Variants in SORBS3 observed in about 807,000 individuals in gnomAD.
SORBS3 encodes vinexin.
In SORBS3, 69 loss-of-function variants were observed where a neutral mutation model predicts 98.0. That is an observed-to-expected ratio of 0.70 (90% CI 0.58 to 0.86). The LOEUF (loss-of-function observed/expected upper bound fraction) is 0.86, where lower values mean the gene tolerates loss of function less well. SORBS3 is among the 40% of genes least tolerant of loss of function. The pLI is 0.00. For synonymous variants in SORBS3, 394 were observed against 355.4 expected, an observed-to-expected ratio of 1.11 and a Z score of -1.22; for missense variants, 954 against 908.5, an observed-to-expected ratio of 1.05 and a Z score of -0.64.
At chr8:22,552,263 A>C (rs1840096686) in intron 1 of SORBS3, among the ~76,000 whole-genome samples, 1 of 152,128 alleles carries the variant, frequency 6.6e-6, no homozygotes, top group African/African-American at 2.4e-5. Context: ...AGGTCAGGGC[A>C]GTGTTCAGAG....
At chr8:22,570,021 A>G (rs1435137653) in intron 17 of SORBS3, among the ~76,000 whole-genome samples, 1 of 152,186 alleles carries the variant, frequency 6.6e-6, no homozygotes, top group Non-Finnish European at 1.5e-5. Flanking sequence ...ATGCACATAT[A>G]TATGTATTCT....
chr8:22,574,144 C>A (rs565421572), intron 20 of SORBS3, among the ~76,000 whole-genome samples: 3 of 151,924 alleles, frequency 2.0e-5, no homozygotes, highest in East Asian at 1.9e-4. Flanking sequence ...GGGTGCCAGG[C>A]CCCCCAGATG....
In SORBS3 at chr8:22,554,989, G is replaced by C; in HGVS notation, c.220+9G>C. 1.9e-6 allele frequency: 3 copies of C among 1,608,716 alleles called. No homozygotes were observed. The highest frequency in any genetic ancestry group is 2.6e-6 in the Non-Finnish European group (3 of 1,175,892). Reference sequence around the variant, plus strand: ...TGCTTCCCAGCACCCGGGTAGGTCTGCTCAGGAGCCTCATGCTGGAGATGG... The same window carrying C: ...TGCTTCCCAGCACCCGGGTAGGTCTCCTCAGGAGCCTCATGCTGGAGATGG... On this transcript the variant is annotated intron_variant, in intron 3 of 20. Coordinates refer to ENST00000240123, the MANE Select transcript of SORBS3 (RefSeq NM_005775.5). This position sits in a 1 kb window ranked among gnomAD's most constrained non-coding sequence, Gnocchi z 6.5.
At position 22,571,702 on chromosome 8, in the gene SORBS3, TC is replaced by T. The variant is rs1258505941; in HGVS notation, c.1744-14del. 13 of 1,591,638 alleles carry T rather than the reference TC, an allele frequency of 8.2e-6. No homozygotes were observed. The Middle Eastern group carries it at 9.9e-4, about 122-fold the overall frequency. The stretch of plus-strand genomic sequence containing the variant: ...CTTCCTCCCTCTGACATCCCTTTCT[TC>T]CTGTCAACTCCCAGAATCTTGGCAC... On this transcript the variant is annotated splice_polypyrimidine_tract_variant and intron_variant, in intron 18 of 20. Transcript: ENST00000240123.
Position 22,564,034 on chromosome 8 carries a change from A to G in SORBS3, c.632A>G (p.Tyr211Cys), listed in dbSNP as rs1287011072. ...SEELPRSTFN[Y>C]RPGAFSTVLQ... Reference sequence around the variant, plus strand: ...GAGTTACCTAGAAGCACCTTCAACTACAGACCTGGAGCATTCTCCACTGTG... The same window carrying G: ...GAGTTACCTAGAAGCACCTTCAACTGCAGACCTGGAGCATTCTCCACTGTG... The change falls in exon 8 of 21, where the codon TAC (tyrosine) becomes TGC (cysteine). Residue 211 changes from tyrosine (Y) to cysteine (C), a missense_variant. Coordinates refer to ENST00000240123, the MANE Select transcript of SORBS3 (RefSeq NM_005775.5). 7 of 1,614,016 alleles carry G rather than the reference A, an allele frequency of 4.3e-6. No homozygotes were observed. Among genetic ancestry groups the G allele is most frequent in the Non-Finnish European group, 5.9e-6 (7 of 1,180,008 alleles).
chr8:22,550,581 G>C (rs1174449334), upstream of SORBS3, among the ~76,000 whole-genome samples: 1 of 152,220 alleles, frequency 6.6e-6, no homozygotes. Flanking sequence ...AACGGGGAGA[G>C]CTTCTTTACC....
chr8:22,565,970 C>T, intron 12 of SORBS3, 98 bp downstream of exon 12: 1 of 843,766 alleles, frequency 1.2e-6, no homozygotes, highest in South Asian at 5.7e-5. Context: ...GATCGCGGGG[C>T]CCAGCCGGGG....
chr8:22,563,276 G>A lies in SORBS3; in HGVS notation c.585-711G>A, dbSNP rs1297716694. ...TATTATTTGATAAGCCTGATGCAGT[G>A]GTTCCTCTCAGTGGAAACTTTCAAA... On this transcript the variant is annotated intron_variant, in intron 7 of 20. Transcript: ENST00000240123. 2.6e-5 allele frequency among the ~76,000 whole-genome samples: 4 copies of A among 152,172 alleles called. No individual in the cohort carries two copies. The East Asian group carries it at 5.8e-4, about 22-fold the overall frequency.
chr8:22,565,543 G>C (rs1840390292), intron 11 of SORBS3, 189 bp downstream of exon 11: 3 of 571,722 alleles, frequency 5.2e-6, no homozygotes, highest in Non-Finnish European at 7.8e-6. Context: ...ACAGGGCGTC[G>C]ACTTTCGCAA....
At chr8:22,562,028 T>C in intron 7 of SORBS3, 97 bp downstream of exon 7, 2 of 1,190,746 alleles carry the variant, frequency 1.7e-6, no homozygotes, top group Non-Finnish European at 2.5e-6. Context: ...CGGCACAGCC[T>C]CGGAGCCCAG....
In SORBS3 at chr8:22,554,943, G is replaced by C. The variant is rs147662068; in HGVS notation, c.183G>C (p.Gly61=). 547 of 1,613,616 alleles carry C rather than the reference G, an allele frequency of 3.4e-4. No homozygotes were observed. Among genetic ancestry groups the C allele is most frequent in the Non-Finnish European group, 4.3e-4 (509 of 1,179,982 alleles). ...HDPAPRTVCN[G]GYTPRRDASQ... Reference sequence around the variant, plus strand: ...CCGCGCCCAGGACTGTGTGCAATGGGGGCTACACACCAAGACGAGATGCTT... The same window carrying C: ...CCGCGCCCAGGACTGTGTGCAATGGCGGCTACACACCAAGACGAGATGCTT... Residue 61 remains glycine (G), a synonymous_variant, in exon 3 of 21, where the codon GGG becomes GGC. Coordinates refer to ENST00000240123, the MANE Select transcript of SORBS3 (RefSeq NM_005775.5). This position sits in a 1 kb window ranked among gnomAD's most constrained non-coding sequence, Gnocchi z 6.5.
At chr8:22,561,153 T>G in intron 5 of SORBS3, 182 bp from the exon 6 acceptor site, 1 of 573,274 alleles carries the variant, frequency 1.7e-6, no homozygotes, top group Non-Finnish European at 2.9e-6. Flanking sequence ...GCCAGAGGCA[T>G]TTCAAGCCCT....
rs1840349125 is a variant in SORBS3, at chr8:22,563,987, A to G, written c.585A>G (p.Gly195=). 6 of 1,612,530 alleles carry G rather than the reference A, an allele frequency of 3.7e-6. No homozygotes were observed. The South Asian group carries it at 6.6e-5, about 18-fold the overall frequency. The stretch of plus-strand genomic sequence containing the variant: ...AAGAGATGTCCTTCCCTTTCTTTAG[A>G]AGAAGCTGGGACCACTCTGAAGAGT... ...HRPGPATSSS[G]RSWDHSEELP... The change falls in exon 8 of 21, where the codon GGA becomes GGG. Residue 195 remains glycine (G), a splice_region_variant and synonymous_variant. Transcript: ENST00000240123.
At chr8:22,557,120 C>A (rs1014479603) in intron 4 of SORBS3, among the ~76,000 whole-genome samples, 1 of 152,108 alleles carries the variant, frequency 6.6e-6, no homozygotes, top group Admixed American at 6.5e-5. Flanking sequence ...GTGGTTTGTG[C>A]GGGGTACAGA....
At position 22,561,389 on chromosome 8, in the gene SORBS3, C is replaced by T; in HGVS notation, c.517+16C>T. 1.2e-6 allele frequency: 2 copies of T among 1,612,454 alleles called. No individual in the cohort carries two copies. The highest frequency in any genetic ancestry group is 1.3e-5 in the African/African-American group (1 of 75,020). ...CCACCCAGAGGTGAGGGGATGCGGG[C>T]CCACCTGCCTGCCATAGCCCTGCGC... is the stretch of plus-strand genomic sequence containing the variant. On this transcript the variant is annotated intron_variant, in intron 6 of 20. Coordinates refer to ENST00000240123, the MANE Select transcript of SORBS3 (RefSeq NM_005775.5).
upstream of SORBS3, among the ~76,000 whole-genome samples, chr8:22,550,968 G>A (rs539232163): frequency 6.6e-6 from 1 of 152,318 alleles, no homozygotes; most frequent in African/African-American, 2.4e-5. Flanking sequence ...CAGAGGCTTG[G>A]GGCAGAGACA....
rs747005017 is a variant in SORBS3 at position 22,554,881 on chromosome 8, G to C, written c.121G>C (p.Gly41Arg). ...CCCGCAGGTGCCCGTGATCCGGAAT[G>C]GTGGCTCCAACACCCTTAATTTCCA... ...RGTRVPVIRN[G>R]GSNTLNFQFH... Residue 41 changes from glycine (G) to arginine (R), a missense_variant, in exon 3 of 21, where the codon GGT becomes CGT. By Grantham distance (125) the Gly-to-Arg change is moderately radical. Coordinates refer to ENST00000240123, the MANE Select transcript of SORBS3 (RefSeq NM_005775.5). The surrounding 1 kb of genome is among the most constrained non-coding windows in gnomAD (Gnocchi z 6.5). The C allele has an allele frequency of 1.3e-5, 21 of 1,609,772 alleles. No individual in the cohort carries two copies. In the Middle Eastern group the frequency reaches 1.2e-3, roughly 88 times the overall value.
upstream of SORBS3, among the ~76,000 whole-genome samples, chr8:22,550,537 TCTC>T (rs1427063312): frequency 6.6e-5 from 10 of 152,066 alleles, no homozygotes; most frequent in Non-Finnish European, 1.0e-4. Context: ...AACCCAAACA[TCTC>T]CTCCAGCTTT....
At chr8:22,546,534 C>T (rs1410622916) in intron 1 of SORBS3, among the ~76,000 whole-genome samples, 1 of 152,220 alleles carries the variant, frequency 6.6e-6, no homozygotes, top group Non-Finnish European at 1.5e-5. Context: ...AATCCACTCC[C>T]CAACCCTGGC....
Sources: allele counts gnomAD v4.1 joint callset (sites outside exome capture counted in the v4.1 genomes callset), GRCh38; gene constraint gnomAD v4.1.1; non-coding constraint Gnocchi (gnomAD v3.1); transcripts MANE v1.5; gene names NCBI Gene and HGNC (gene_info 2026-07-23, HGNC 2026-07-21).